Variants in AOPEP observed in about 807,000 individuals in gnomAD.
The protein encoded by AOPEP is aminopeptidase O.
In AOPEP, 77 loss-of-function variants were observed where a neutral mutation model predicts 98.1. The observed-to-expected ratio is 0.78, with a 90% CI of 0.65 to 0.95. The LOEUF is 0.95. Among genes scored for constraint, AOPEP ranks in the 40% least tolerant of loss-of-function variants. AOPEP has a pLI of 0.00. For synonymous variants in AOPEP, 346 were observed against 365.3 expected (o/e 0.95, Z 0.60); for missense variants, 1,024 against 1,024.7 (o/e 1.00, Z 0.01).
At chr9:94,938,295 G>A (rs753739175) in intron 7 of AOPEP, among the ~76,000 whole-genome samples, 1 of 152,184 alleles carries the variant, frequency 6.6e-6, no homozygotes, top group African/African-American at 2.4e-5. Context: ...AGGGTGCTCC[G>A]TGAGTGTTGA....
chr9:94,936,860 C>T (rs2056350034), intron 7 of AOPEP, among the ~76,000 whole-genome samples: 1 of 152,192 alleles, frequency 6.6e-6, no homozygotes, highest in Non-Finnish European at 1.5e-5. Context: ...CTCAGGGAAA[C>T]ACTCACATTT....
intron 13 of AOPEP, 79 bp downstream of exon 13, chr9:95,005,695 A>G: frequency 9.0e-7 from 1 of 1,107,466 alleles, no homozygotes. Context: ...TCATGACAAT[A>G]GAGTAGTGTT....
chr9:94,793,134 G>A (rs969193795), intron 4 of AOPEP, among the ~76,000 whole-genome samples: 2 of 152,170 alleles, frequency 1.3e-5, no homozygotes, highest in African/African-American at 4.8e-5. Context: ...GGGAGGCCGA[G>A]GCGGGTGGAT....
At chr9:94,951,685 A>T (rs1433196115) in intron 7 of AOPEP, among the ~76,000 whole-genome samples, 1 of 152,234 alleles carries the variant, frequency 6.6e-6, no homozygotes, top group East Asian at 1.9e-4. Flanking sequence ...TCTTTCACAC[A>T]CAATACAAAG....
At chr9:94,982,837 A>AT (rs916736226) in intron 11 of AOPEP, among the ~76,000 whole-genome samples, 2 of 152,024 alleles carry the variant, frequency 1.3e-5, no homozygotes, top group Admixed American at 6.5e-5. Context: ...TAGATTTTGG[A>AT]TTTTTTTTCA....
chr9:94,964,635 CTT>C (rs1240777817), intron 9 of AOPEP, among the ~76,000 whole-genome samples: 1,978 of 122,494 alleles, frequency 0.016, 16 homozygotes, highest in African/African-American at 0.044. Flanking sequence ...AGTACTTGGA[CTT>C]TTTTTTTTTT....
chr9:95,124,691 C>T, the AOPEP span, among the ~76,000 whole-genome samples: 1 of 152,184 alleles, frequency 6.6e-6, no homozygotes, highest in Admixed American at 6.5e-5. Context: ...GTAATAAGTG[C>T]CCTTTCCTAT....
chr9:95,117,389 A>T, the AOPEP span: 1 of 1,613,242 alleles, frequency 6.2e-7, no homozygotes. Flanking sequence ...TGCAAACCGC[A>T]GCTGCCACAG....
chr9:94,933,929 T>C (rs1262884438), intron 7 of AOPEP, among the ~76,000 whole-genome samples: 1 of 151,974 alleles, frequency 6.6e-6, no homozygotes, highest in African/African-American at 2.4e-5. Flanking sequence ...TTTGTGTTTT[T>C]AGTAGAGACG....
chr9:94,885,842 T>A (rs555861922), intron 5 of AOPEP, among the ~76,000 whole-genome samples: 1 of 152,296 alleles, frequency 6.6e-6, no homozygotes, highest in East Asian at 1.9e-4. Flanking sequence ...GCTTTCTGTA[T>A]GAAAAGTATT....
chr9:94,952,233 G>A (rs1178815423), intron 7 of AOPEP, among the ~76,000 whole-genome samples: 2 of 152,168 alleles, frequency 1.3e-5, no homozygotes, highest in African/African-American at 2.4e-5. Context: ...TTTCCTGCTC[G>A]CAAGTGTATG....
In AOPEP at chr9:94,928,676, G is replaced by A; in HGVS notation, c.1661+145G>A. Reference sequence around the variant, plus strand: ...CTTGTCCCCCAGATGTGATGGTTATGTTCTAAGTCTTTCAGGGCATGCGTT... The same window carrying A: ...CTTGTCCCCCAGATGTGATGGTTATATTCTAAGTCTTTCAGGGCATGCGTT... On this transcript the variant is annotated intron_variant, in intron 7 of 16. Transcript: ENST00000375315. 8.4e-6 allele frequency: 5 copies of A among 596,482 alleles called. 1 individual carries two copies. Among genetic ancestry groups the A allele is most frequent in the South Asian group, 8.3e-5 (4 of 48,234 alleles). The allele number at this position is 596,482 out of a possible 1,614,324, so 36.9% of individuals were successfully genotyped here. A position where few individuals can be genotyped will look rare whatever the true frequency, so the allele number is the denominator to read the frequency against.
intron 5 of AOPEP, among the ~76,000 whole-genome samples, chr9:94,877,223 A>G (rs943083922): frequency 3.3e-5 from 5 of 152,156 alleles, no homozygotes; most frequent in Admixed American, 1.3e-4. Flanking sequence ...CTCAGACCCA[A>G]TAGAAGCCCA....
intron 2 of AOPEP, among the ~76,000 whole-genome samples, chr9:94,765,428 CT>C (rs1015424144): frequency 9.7e-6 from 1 of 103,408 alleles, no homozygotes; most frequent in African/African-American, 3.5e-5. Context: ...GGTGAAACCC[CT>C]TCTCTACAAA....
intron 1 of AOPEP, among the ~76,000 whole-genome samples, chr9:94,735,306 T>C (rs7047864): frequency 0.22 from 33,172 of 152,154 alleles, 5,100 homozygotes; most frequent in African/African-American, 0.43. Context: ...CTGCAAGCTC[T>C]GCCTCCTGGG....
chr9:95,008,933 A>G (rs2062261189), intron 13 of AOPEP, among the ~76,000 whole-genome samples: 1 of 152,144 alleles, frequency 6.6e-6, no homozygotes. Context: ...GACAAAACTC[A>G]CCTCTTCTAC....
At chr9:94,761,117 C>T (rs560814347) in intron 2 of AOPEP, among the ~76,000 whole-genome samples, 12 of 152,166 alleles carry the variant, frequency 7.9e-5, no homozygotes, top group Non-Finnish European at 1.6e-4. Flanking sequence ...GTGACCCCCC[C>T]CAAAGCATAC....
intron 7 of AOPEP, among the ~76,000 whole-genome samples, chr9:94,936,633 A>C (rs2056313461): frequency 6.6e-6 from 1 of 152,162 alleles, no homozygotes; most frequent in Admixed American, 6.5e-5. Flanking sequence ...TGTAGTGGAC[A>C]CCAGCTGGGT....
chr9:94,969,641 T>A (rs893015909), intron 10 of AOPEP, among the ~76,000 whole-genome samples: 5 of 152,124 alleles, frequency 3.3e-5, no homozygotes, highest in Non-Finnish European at 7.4e-5. Context: ...TCTCCTGACC[T>A]CGTGATCTGC....
Sources: gnomAD v4.1 joint callset for allele counts (sites outside exome capture counted in the v4.1 genomes callset) on GRCh38, gnomAD v4.1.1 for gene constraint, MANE v1.5 for transcripts, NCBI Gene and HGNC (gene_info 2026-07-23, HGNC 2026-07-21) for gene names.